The following PTPRN2 variants were observed in gnomAD, a reference collection of about 807,000 sequenced individuals.
PTPRN2 encodes protein tyrosine phosphatase receptor type N2.
PTPRN2 carries 74 observed loss-of-function variants against 118.8 expected under a neutral mutation model. The ratio of observed to expected loss-of-function variants is 0.62; its 90% CI spans 0.52 to 0.76. PTPRN2 has a LOEUF of 0.76. Ranked by LOEUF, PTPRN2 falls within the 30% of genes least tolerant of loss-of-function variation. PTPRN2 has a pLI of 0.00. For synonymous variants in PTPRN2, 641 were observed against 608.0 expected (o/e 1.05, Z -0.80); for missense variants, 1,481 against 1,394.4 (o/e 1.06, Z -0.99).
chr7:158,578,058 C>T (rs766696904), intron 1 of PTPRN2, among the ~76,000 whole-genome samples: 5 of 152,234 alleles, frequency 3.3e-5, no homozygotes, highest in Non-Finnish European at 5.9e-5. Context: ...ACCCGGCAAG[C>T]TCGTTGACAA....
At chr7:157,967,537 A>G (rs978791084) in intron 11 of PTPRN2, among the ~76,000 whole-genome samples, 9 of 152,100 alleles carry the variant, frequency 5.9e-5, no homozygotes, top group East Asian at 1.9e-4. Flanking sequence ...CCGTAAAGCA[A>G]TGGAGGAGTG....
chr7:157,889,417 T>C (rs1307262237), intron 12 of PTPRN2, among the ~76,000 whole-genome samples: 1 of 152,184 alleles, frequency 6.6e-6, no homozygotes, highest in Non-Finnish European at 1.5e-5. Flanking sequence ...CTCTTCCTTT[T>C]ATGGTTTCGA....
At chr7:158,452,964 G>A (rs555823963) in intron 2 of PTPRN2, among the ~76,000 whole-genome samples, 6 of 152,326 alleles carry the variant, frequency 3.9e-5, no homozygotes, top group African/African-American at 1.4e-4. Flanking sequence ...GCAACACAGG[G>A]AGCACCCCGA....
chr7:158,221,226 T>C (rs1237828397), intron 3 of PTPRN2, among the ~76,000 whole-genome samples: 1 of 152,060 alleles, frequency 6.6e-6, no homozygotes, highest in South Asian at 2.1e-4. Flanking sequence ...TTAAGATGGC[T>C]TAAAGATTTA....
chr7:157,612,932 C>T (rs1802465027), intron 15 of PTPRN2, among the ~76,000 whole-genome samples: 1 of 152,178 alleles, frequency 6.6e-6, no homozygotes, highest in Non-Finnish European at 1.5e-5. Flanking sequence ...AGCCGAAGGC[C>T]CCGCCTCCCC....
intron 2 of PTPRN2, among the ~76,000 whole-genome samples, chr7:158,446,902 C>T (rs1416455570): frequency 6.6e-6 from 1 of 152,184 alleles, no homozygotes. Context: ...CTGCAGCCTC[C>T]TAGCTCCTGT....
intron 21 of PTPRN2, among the ~76,000 whole-genome samples, chr7:157,556,446 C>G (rs1192607034): frequency 6.6e-6 from 1 of 151,406 alleles, no homozygotes; most frequent in African/African-American, 2.4e-5. Context: ...GGCATGCACA[C>G]ATCACACAAC....
intron 12 of PTPRN2, among the ~76,000 whole-genome samples, chr7:157,722,060 A>G (rs1462227542): frequency 6.6e-6 from 1 of 152,106 alleles, no homozygotes; most frequent in African/African-American, 2.4e-5. Context: ...CAACCAAGAA[A>G]CATTGTCTGT....
intron 11 of PTPRN2, among the ~76,000 whole-genome samples, chr7:157,915,506 C>G (rs1033368065): frequency 1.4e-5 from 2 of 141,670 alleles, no homozygotes; most frequent in Admixed American, 7.6e-5. Context: ...AAGCAGTTTA[C>G]CATCCTCCAG....
chr7:158,105,319 A>C (rs1386811748), intron 10 of PTPRN2, among the ~76,000 whole-genome samples: 1 of 145,002 alleles, frequency 6.9e-6, no homozygotes, highest in East Asian at 2.1e-4. Flanking sequence ...CTCCATCCCA[A>C]CTCTATCCCA....
At chr7:157,757,436 C>T (rs1025446216) in intron 12 of PTPRN2, among the ~76,000 whole-genome samples, 1 of 152,082 alleles carries the variant, frequency 6.6e-6, no homozygotes, top group African/African-American at 2.4e-5. Flanking sequence ...CTGGAGCTCT[C>T]GGCGGCCGGT....
intron 6 of PTPRN2, among the ~76,000 whole-genome samples, chr7:158,158,430 C>T (rs1479096897): frequency 6.6e-6 from 1 of 152,228 alleles, no homozygotes; most frequent in Non-Finnish European, 1.5e-5. Context: ...TCACGGAAGG[C>T]TCGAAGGAGA....
chr7:157,641,088 T>C (rs1804637700), intron 14 of PTPRN2, among the ~76,000 whole-genome samples: 1 of 152,178 alleles, frequency 6.6e-6, no homozygotes. Context: ...TGAACAATAC[T>C]GTATGTGTCA....
intron 12 of PTPRN2, among the ~76,000 whole-genome samples, chr7:157,844,382 C>T (rs1011597042): frequency 1.3e-5 from 2 of 152,190 alleles, no homozygotes; most frequent in South Asian, 2.1e-4. Context: ...GCACAGCTAG[C>T]GAGGCCACTG....
chr7:158,420,891 G>T (rs972429235), intron 2 of PTPRN2, among the ~76,000 whole-genome samples: 1 of 152,212 alleles, frequency 6.6e-6, no homozygotes, highest in African/African-American at 2.4e-5. Flanking sequence ...AGTTGCATGA[G>T]GGGCAGGTCA....
chr7:157,693,984 G>T (rs1210935010), intron 12 of PTPRN2, among the ~76,000 whole-genome samples: 3 of 152,272 alleles, frequency 2.0e-5, no homozygotes, highest in Non-Finnish European at 4.4e-5. Flanking sequence ...TGCCGTCTGG[G>T]GGTCCTGGGG....
At chr7:158,495,800 C>T (rs188585627) in intron 1 of PTPRN2, among the ~76,000 whole-genome samples, 1 of 152,308 alleles carries the variant, frequency 6.6e-6, no homozygotes, top group Non-Finnish European at 1.5e-5. Flanking sequence ...CGTGGGAGGA[C>T]AGAGACCCCC....
At chr7:158,071,127 TG>T (rs1206579083) in intron 11 of PTPRN2, among the ~76,000 whole-genome samples, 386 of 69,678 alleles carry the variant, frequency 5.5e-3, no homozygotes, top group East Asian at 0.016. Flanking sequence ...GTGCCCGTGG[TG>T]GTGGAGGTGC....
At chr7:158,115,340 T>G (rs1437771288) in intron 9 of PTPRN2, among the ~76,000 whole-genome samples, 3 of 152,042 alleles carry the variant, frequency 2.0e-5, no homozygotes, top group African/African-American at 7.2e-5. Flanking sequence ...GAAGTGGACA[T>G]GGTCATAGAC....
Sources: gnomAD v4.1 joint callset for allele counts (sites outside exome capture counted in the v4.1 genomes callset) on GRCh38, gnomAD v4.1.1 for gene constraint, MANE v1.5 for transcripts, NCBI Gene and HGNC (gene_info 2026-07-23, HGNC 2026-07-21) for gene names.